Variants in EYA2 observed in about 807,000 individuals in gnomAD.
EYA2 encodes the protein EYA transcriptional coactivator and phosphatase 2.
In EYA2, 31 loss-of-function variants were observed where a neutral mutation model predicts 69.2. That is an observed-to-expected ratio of 0.45 (90% confidence interval 0.34 to 0.60). The LOEUF is 0.60. Among genes scored for constraint, EYA2 ranks in the 20% least tolerant of loss-of-function variants. The pLI is 0.02. For synonymous variants in EYA2, 257 were observed against 279.4 expected, an observed-to-expected ratio of 0.92 and a Z score of 0.80; for missense variants, 622 against 701.2, an observed-to-expected ratio of 0.89 and a Z score of 1.28.
intron 1 of EYA2, among the ~76,000 whole-genome samples, chr20:46,895,763 G>C (rs1484736541): frequency 6.6e-6 from 1 of 152,176 alleles, no homozygotes; most frequent in Non-Finnish European, 1.5e-5. Context: ...CTCCCCCCCA[G>C]CAATAAATAG....
chr20:46,958,528 C>T (rs1979276920), intron 1 of EYA2, among the ~76,000 whole-genome samples: 1 of 152,154 alleles, frequency 6.6e-6, no homozygotes, highest in Non-Finnish European at 1.5e-5. Flanking sequence ...AAATGAGAGA[C>T]AACTTGTCCA....
intron 2 of EYA2, among the ~76,000 whole-genome samples, chr20:46,990,333 G>A (rs1380504570): frequency 3.3e-5 from 5 of 152,204 alleles, no homozygotes; most frequent in African/African-American, 1.2e-4. Flanking sequence ...GCTCATTCGT[G>A]TCTTGAACTT....
chr20:46,988,085 G>A (rs1981410809), intron 1 of EYA2, among the ~76,000 whole-genome samples: 2 of 147,370 alleles, frequency 1.4e-5, no homozygotes. Flanking sequence ...ACATTGCGTT[G>A]GACATTATAA....
At chr20:46,900,517 G>A (rs1049338719) in intron 1 of EYA2, among the ~76,000 whole-genome samples, 8 of 152,176 alleles carry the variant, frequency 5.3e-5, no homozygotes, top group African/African-American at 1.9e-4. Context: ...TGTCAAGAAA[G>A]AAAATTACAG....
chr20:47,162,126 T>C (rs1837719648), intron 10 of EYA2, among the ~76,000 whole-genome samples: 1 of 152,148 alleles, frequency 6.6e-6, no homozygotes, highest in Non-Finnish European at 1.5e-5. Flanking sequence ...CACCTGGCAT[T>C]CTTCGTCTTC....
chr20:47,063,373 T>TTGTGTG (rs1318266818), intron 5 of EYA2, among the ~76,000 whole-genome samples: 2 of 137,016 alleles, frequency 1.5e-5, no homozygotes, highest in African/African-American at 5.9e-5. Context: ...TTGGGTTTAT[T>TTGTGTG]TGTGTGTGTG....
intron 9 of EYA2, chr20:47,117,587 C>A (rs1185276949): frequency 9.1e-6 from 9 of 985,058 alleles, no homozygotes; most frequent in Non-Finnish European, 1.1e-5. Flanking sequence ...TCAATCAGAT[C>A]CAGTTGGCGA....
chr20:46,975,198 G>A (rs567554692), intron 1 of EYA2, among the ~76,000 whole-genome samples: 4 of 152,228 alleles, frequency 2.6e-5, no homozygotes, highest in South Asian at 2.1e-4. Flanking sequence ...AGAGCTGCAT[G>A]TGTGATAAAA....
At chr20:46,899,147 C>T (rs1251951098) in intron 1 of EYA2, among the ~76,000 whole-genome samples, 1 of 152,120 alleles carries the variant, frequency 6.6e-6, no homozygotes, top group Non-Finnish European at 1.5e-5. Flanking sequence ...CAGGGCCAGA[C>T]TGAGTGAAAA....
chr20:47,090,520 G>A lies in EYA2; in HGVS notation c.804+1139G>A, dbSNP rs536109629. 1.1e-3 allele frequency among the ~76,000 whole-genome samples: 168 copies of A among 151,872 alleles called. 1 individual carries two copies. Among genetic ancestry groups the A allele is most frequent in the Middle Eastern group, 6.8e-3 (2 of 294 alleles). ...CTCCCAAAGTGCTGAGATTACAGGC[G>A]TGAGCCGCCATGCCCGGACTTTTTT... On this transcript the variant is annotated intron_variant, in intron 8 of 15. Transcript: ENST00000327619.
chr20:47,029,921 C>A (rs1050737689), intron 5 of EYA2, among the ~76,000 whole-genome samples: 12 of 152,122 alleles, frequency 7.9e-5, no homozygotes, highest in Non-Finnish European at 1.2e-4. Flanking sequence ...TGTGTTGGAA[C>A]AGAGGTGAGC....
At chr20:47,177,110 GTATT>G (rs553967101) in intron 12 of EYA2, among the ~76,000 whole-genome samples, 4 of 151,150 alleles carry the variant, frequency 2.6e-5, no homozygotes, top group Non-Finnish European at 4.4e-5. Context: ...TTCTATCTTT[GTATT>G]TATTTATTTA....
At chr20:47,110,185 A>G (rs998601917) in intron 9 of EYA2, among the ~76,000 whole-genome samples, 1 of 152,244 alleles carries the variant, frequency 6.6e-6, no homozygotes, top group African/African-American at 2.4e-5. Flanking sequence ...GACTTAGTCA[A>G]GGTCACCCAG....
At chr20:46,981,976 A>G (rs1980863615) in intron 1 of EYA2, among the ~76,000 whole-genome samples, 1 of 152,206 alleles carries the variant, frequency 6.6e-6, no homozygotes, top group South Asian at 2.1e-4. Flanking sequence ...CCTAAATATT[A>G]TAGGATACAT....
At chr20:46,977,475 G>A (rs1334949100) in intron 1 of EYA2, among the ~76,000 whole-genome samples, 1 of 152,180 alleles carries the variant, frequency 6.6e-6, no homozygotes, top group East Asian at 1.9e-4. Flanking sequence ...TTGTCTGTCT[G>A]GTTGGACACT....
intron 1 of EYA2, among the ~76,000 whole-genome samples, chr20:46,961,872 G>A (rs932316709): frequency 6.1e-4 from 93 of 152,222 alleles, no homozygotes; most frequent in Admixed American, 9.8e-4. Context: ...GCTGAGAATG[G>A]TGCAGGGGTG....
At chr20:47,041,430 A>G (rs184600222) in intron 5 of EYA2, among the ~76,000 whole-genome samples, 28 of 152,318 alleles carry the variant, frequency 1.8e-4, no homozygotes, top group African/African-American at 6.7e-4. Flanking sequence ...TGTGTCCTTC[A>G]AGAGATAGTC....
chr20:47,134,879 G>A (rs2033423568), intron 9 of EYA2, among the ~76,000 whole-genome samples: 1 of 152,038 alleles, frequency 6.6e-6, no homozygotes, highest in South Asian at 2.1e-4. Context: ...TGTAATCCCA[G>A]CACTTTGGGA....
chr20:46,951,368 G>C (rs780003816), intron 1 of EYA2, among the ~76,000 whole-genome samples: 7 of 152,090 alleles, frequency 4.6e-5, no homozygotes, highest in African/African-American at 1.7e-4. Flanking sequence ...TTATCCTAGC[G>C]TCTGTGCCCC....
Sources: gnomAD v4.1 joint callset for allele counts (sites outside exome capture counted in the v4.1 genomes callset) on GRCh38, gnomAD v4.1.1 for gene constraint, MANE v1.5 for transcripts, NCBI Gene and HGNC (gene_info 2026-07-23, HGNC 2026-07-21) for gene names.